Variants in DLC1 observed in about 807,000 individuals in gnomAD.
DLC1 encodes the protein rho GTPase-activating protein 7.
Under a neutral mutation model 140.3 loss-of-function variants are expected in DLC1, and 54 were observed. The ratio of observed to expected loss-of-function variants is 0.38; its 90% CI spans 0.31 to 0.48. The LOEUF (loss-of-function observed/expected upper bound fraction) is 0.48. DLC1 is among the 20% of genes least tolerant of loss of function. DLC1 has a pLI of 0.96. For synonymous variants in DLC1, 986 were observed against 728.1 expected (o/e 1.35, Z -5.70); for missense variants, 2,536 against 1,907.0 (o/e 1.33, Z -6.14).
At chr8:13,533,332 A>T (rs917550680) in intron 1 of DLC1, among the ~76,000 whole-genome samples, 8 of 152,174 alleles carry the variant, frequency 5.3e-5, no homozygotes, top group Non-Finnish European at 1.2e-4. Flanking sequence ...GACAAAATAT[A>T]TTTGACATGT....
chr8:13,289,539 C>A (rs1195744492), intron 5 of DLC1, among the ~76,000 whole-genome samples: 1 of 152,152 alleles, frequency 6.6e-6, no homozygotes, highest in Non-Finnish European at 1.5e-5. Context: ...CTATGTTGCC[C>A]AGGCTGGCTT....
At chr8:13,333,434 G>T (rs1384639847) in intron 4 of DLC1, among the ~76,000 whole-genome samples, 1 of 151,892 alleles carries the variant, frequency 6.6e-6, no homozygotes, top group Non-Finnish European at 1.5e-5. Flanking sequence ...TTGTTTTAGT[G>T]ATGAGGGTCT....
chr8:13,579,342 T>C (rs1307467112), intron 1 of DLC1, among the ~76,000 whole-genome samples: 9 of 55,510 alleles, frequency 1.6e-4, no homozygotes, highest in African/African-American at 7.3e-4. Context: ...TATATATATA[T>C]ATATATATAT....
intron 5 of DLC1, among the ~76,000 whole-genome samples, chr8:13,126,212 T>C (rs541744869): frequency 1.5e-4 from 23 of 151,916 alleles, no homozygotes; most frequent in Non-Finnish European, 2.9e-4. Context: ...TAATCAAAAA[T>C]TGGCACTTAT....
chr8:13,538,972 C>A (rs1168545440), intron 1 of DLC1, among the ~76,000 whole-genome samples: 1 of 152,102 alleles, frequency 6.6e-6, no homozygotes, highest in African/African-American at 2.4e-5. Context: ...AAATACGTGG[C>A]AGATTAAAAA....
chr8:13,188,038 A>G (rs1395573060), intron 5 of DLC1, among the ~76,000 whole-genome samples: 2 of 151,654 alleles, frequency 1.3e-5, no homozygotes, highest in African/African-American at 2.4e-5. Flanking sequence ...GCTATACAGA[A>G]TCCAGGATAT....
chr8:13,373,659 C>T (rs1447142737), intron 4 of DLC1, among the ~76,000 whole-genome samples: 4 of 152,154 alleles, frequency 2.6e-5, no homozygotes, highest in Admixed American at 1.3e-4. Flanking sequence ...TCAGAAAGTA[C>T]ATCTACTATA....
rs549478830 is a variant in DLC1 at position 13,090,779 on chromosome 8, G to C, written c.3856-309C>G. The stretch of plus-strand genomic sequence containing the variant: ...AAGTGGATACAGCAGTTTAATTCCA[G>C]ATAATTTGTTGCTTTTTCTTTCTTT... On this transcript the variant is annotated intron_variant, in intron 14 of 17. Transcript: ENST00000276297. 4.0e-5 allele frequency among the ~76,000 whole-genome samples: 6 copies of C among 151,360 alleles called. No homozygotes were observed. The South Asian group carries it at 1.3e-3, about 32-fold the overall frequency.
chr8:13,378,301 A>T (rs1194736517), intron 4 of DLC1, among the ~76,000 whole-genome samples: 1 of 151,416 alleles, frequency 6.6e-6, no homozygotes, highest in Non-Finnish European at 1.5e-5. Context: ...CAGAGAAGAA[A>T]GTCCTTTGAA....
At chr8:13,497,259 T>C (rs1801559672) in intron 2 of DLC1, among the ~76,000 whole-genome samples, 1 of 152,210 alleles carries the variant, frequency 6.6e-6, no homozygotes, top group African/African-American at 2.4e-5. Flanking sequence ...TTCAATGGTA[T>C]TTTAACACTC....
chr8:13,280,220 G>A (rs868194914), intron 5 of DLC1, among the ~76,000 whole-genome samples: 27 of 148,810 alleles, frequency 1.8e-4, no homozygotes, highest in Middle Eastern at 3.5e-3. Context: ...CCCAGGAGGC[G>A]GAGTTTACAG....
chr8:13,139,326 GA>G (rs1409799300), intron 5 of DLC1, among the ~76,000 whole-genome samples: 5 of 92,428 alleles, frequency 5.4e-5, no homozygotes, highest in East Asian at 3.1e-4. Flanking sequence ...AAAAGGAAAA[GA>G]AAAAAAATGA....
chr8:13,527,060 A>T (rs1802941372), intron 1 of DLC1, among the ~76,000 whole-genome samples: 1 of 152,178 alleles, frequency 6.6e-6, no homozygotes, highest in Admixed American at 6.5e-5. Context: ...GATTCTTAAG[A>T]TCTACATAGG....
intron 4 of DLC1, among the ~76,000 whole-genome samples, chr8:13,386,501 G>C (rs903331429): frequency 6.6e-6 from 1 of 152,084 alleles, no homozygotes; most frequent in African/African-American, 2.4e-5. Flanking sequence ...AGGTGACCGT[G>C]AAGATGGAAT....
intron 16 of DLC1, among the ~76,000 whole-genome samples, chr8:13,087,689 T>C (rs138111983): frequency 6.6e-6 from 1 of 152,350 alleles, no homozygotes; most frequent in East Asian, 1.9e-4. Flanking sequence ...TTCACAAATG[T>C]CTTGGAACAC....
At chr8:13,132,081 C>T (rs548275824) in intron 5 of DLC1, among the ~76,000 whole-genome samples, 2 of 152,268 alleles carry the variant, frequency 1.3e-5, no homozygotes, top group Non-Finnish European at 2.9e-5. Context: ...GGCGAGCTTC[C>T]TTCCTCTCTC....
chr8:13,090,410 T>C lies in DLC1; in HGVS notation c.3916A>G (p.Thr1306Ala), dbSNP rs760325464. 11 of 1,613,944 alleles carry C rather than the reference T, an allele frequency of 6.8e-6. No homozygotes were observed. In the Middle Eastern group the frequency reaches 6.6e-4, roughly 96 times the overall value. The change falls in exon 15 of 18, where the codon ACT (threonine) becomes GCT (alanine). Residue 1306 changes from threonine to alanine, a missense_variant. Physicochemically the swap from Thr to Ala is moderately conservative, Grantham distance 58 (BLOSUM62 0). Coordinates refer to ENST00000276297, the MANE Select transcript of DLC1 (RefSeq NM_182643.3). The part of the protein sequence containing the change: ...SYTEQELKPL[T>A]LEALGHLGND... The stretch of plus-strand genomic sequence containing the variant: ...CCCAGGTGCCCGAGTGCTTCCAGAG[T>C]GAGGGGCTTCAGCTCTTGTTCGGTA...
intron 2 of DLC1, among the ~76,000 whole-genome samples, chr8:13,480,180 A>G (rs1800657777): frequency 6.6e-6 from 1 of 152,250 alleles, no homozygotes; most frequent in African/African-American, 2.4e-5. Flanking sequence ...CAGTTTCTCA[A>G]GGGAAAAAAT....
In DLC1 at chr8:13,468,811, C is replaced by CTTTTTTTTTTTTTTTTTTTTTT. The variant is rs78775803; in HGVS notation, c.1023+30216_1023+30237dup. The stretch of plus-strand genomic sequence containing the variant: ...GTTGATTCTCCCAATTTTATGTCTG[C>CTTTTTTTTTTTTTTTTTTTTTT]TTTTTTTTTTTTTTTTTTTTTTTTT... On this transcript the variant is annotated intron_variant, in intron 2 of 17. Transcript: ENST00000276297. Among the ~76,000 whole-genome samples, 89 of 89,960 alleles carry CTTTTTTTTTTTTTTTTTTTTTT rather than the reference C, an allele frequency of 9.9e-4. 18 individuals carry two copies. Among genetic ancestry groups the CTTTTTTTTTTTTTTTTTTTTTT allele is most frequent in the Admixed American group, 2.1e-3 (14 of 6,768 alleles). The allele number at this position is 89,960 out of a possible 152,430, so 59.0% of individuals were successfully genotyped here. A position where few individuals can be genotyped will look rare whatever the true frequency, so the allele number is the denominator to read the frequency against.
Sources: allele counts gnomAD v4.1 joint callset (sites outside exome capture counted in the v4.1 genomes callset), GRCh38; gene constraint gnomAD v4.1.1; transcripts MANE v1.5; gene names NCBI Gene and HGNC (gene_info 2026-07-23, HGNC 2026-07-21).